DNAH3: variants seen among roughly 807,000 people sequenced by gnomAD.
The protein encoded by DNAH3 is axonemal beta dynein heavy chain 3.
Under a neutral mutation model 432.5 loss-of-function variants are expected in DNAH3, and 332 were observed. The observed-to-expected ratio is 0.77, with a 90% CI of 0.70 to 0.84. The LOEUF (loss-of-function observed/expected upper bound fraction) is 0.84, where lower values mean the gene tolerates loss of function less well. Ranked by LOEUF, DNAH3 falls within the 40% of genes least tolerant of loss-of-function variation. The probability of loss-of-function intolerance (pLI) is 0.00; values close to 1 mark genes in which losing one functional copy is unlikely to be tolerated. For missense variants in DNAH3, 4,861 were observed against 5,114.0 expected (o/e 0.95, Z 1.51); for synonymous variants, 1,956 against 1,900.2 (o/e 1.03, Z -0.76).
chr16:21,021,908 A>AG (rs2088247543), intron 40 of DNAH3, 63 bp downstream of exon 40: 2 of 1,576,582 alleles, frequency 1.3e-6, no homozygotes, highest in Admixed American at 3.7e-5. Flanking sequence ...ATCTCAAAAA[A>AG]AAAAGAAATA....
chr16:21,150,473 G>C (rs1042351225), intron 1 of DNAH3: 10 of 357,898 alleles, frequency 2.8e-5, no homozygotes, highest in Middle Eastern at 3.8e-4. Context: ...CAGATGTTCT[G>C]AAAGCTCTGT....
intron 14 of DNAH3, among the ~76,000 whole-genome samples, chr16:21,109,713 C>T (rs992895960): frequency 6.6e-6 from 1 of 151,834 alleles, no homozygotes; most frequent in East Asian, 1.9e-4. Context: ...GATACTCCTG[C>T]CTCAACTTGC....
At chr16:21,049,748 C>A (rs1184197444) in intron 30 of DNAH3, 66 bp from the exon 31 acceptor site, 2 of 1,464,534 alleles carry the variant, frequency 1.4e-6, no homozygotes, top group Admixed American at 1.7e-5. Flanking sequence ...TACCCCGCAC[C>A]ATTCAACAGC....
At chr16:20,962,618 T>C (rs2084876946) in intron 53 of DNAH3, among the ~76,000 whole-genome samples, 1 of 152,132 alleles carries the variant, frequency 6.6e-6, no homozygotes, top group Admixed American at 6.5e-5. Flanking sequence ...AGTGTGAAGT[T>C]TCCTGTGGAA....
intron 6 of DNAH3, among the ~76,000 whole-genome samples, chr16:21,135,848 TA>T: frequency 6.8e-6 from 1 of 147,890 alleles, no homozygotes; most frequent in East Asian, 2.0e-4. Flanking sequence ...AAGACAAGCC[TA>T]GGCAACATAG....
chr16:21,046,932 T>C (rs1056069845), intron 31 of DNAH3, among the ~76,000 whole-genome samples: 12 of 151,766 alleles, frequency 7.9e-5, no homozygotes, highest in Non-Finnish European at 1.6e-4. Flanking sequence ...CCTTCACTTA[T>C]GAAGCTTAGT....
chr16:20,959,815 T>C (rs564752921), intron 53 of DNAH3, among the ~76,000 whole-genome samples: 47 of 152,118 alleles, frequency 3.1e-4, no homozygotes, highest in African/African-American at 1.1e-3. Context: ...TTTAAACACA[T>C]AGACATTCTT....
At chr16:21,070,612 G>C in intron 22 of DNAH3, 98 bp downstream of exon 22, 1 of 753,922 alleles carries the variant, frequency 1.3e-6, no homozygotes, top group Non-Finnish European at 2.4e-6. Flanking sequence ...AGGACAAAGT[G>C]ACTTTCTTTG....
chr16:21,149,570 G>C (rs2092827883), intron 1 of DNAH3, among the ~76,000 whole-genome samples: 1 of 152,164 alleles, frequency 6.6e-6, no homozygotes, highest in African/African-American at 2.4e-5. Flanking sequence ...AATCACTCTG[G>C]TCTTAGATAA....
intron 56 of DNAH3, among the ~76,000 whole-genome samples, 156 bp from the exon 57 acceptor site, chr16:20,948,793 G>A (rs531693641): frequency 1.3e-5 from 2 of 152,222 alleles, no homozygotes; most frequent in East Asian, 3.9e-4. Context: ...AAGATGGCGG[G>A]TCCCCTGCAA....
intron 18 of DNAH3, 25 bp downstream of exon 18, chr16:21,097,330 C>G (rs2091711226): frequency 6.2e-7 from 1 of 1,612,488 alleles, no homozygotes; most frequent in Non-Finnish European, 8.5e-7. Context: ...CCCATCTGTC[C>G]CAGCAGAGTG....
At chr16:21,097,482 T>C (rs2091717663) in exon 18 of DNAH3, 2 of 1,613,648 alleles carry the variant, frequency 1.2e-6, no homozygotes, top group East Asian at 4.5e-5. Flanking sequence ...CCAATAGCTC[T>C]TCCTCCTTAT....
At chr16:21,040,490 A>G (rs2089395419) in intron 32 of DNAH3, among the ~76,000 whole-genome samples, 1 of 150,012 alleles carries the variant, frequency 6.7e-6, no homozygotes, top group African/African-American at 2.5e-5. Flanking sequence ...TCAGCCTCCC[A>G]AACACCTGGG....
In DNAH3 at chr16:21,088,824, T is replaced by C. The variant is rs927138269; in HGVS notation, c.2666-1764A>G. 2.0e-5 allele frequency among the ~76,000 whole-genome samples: 3 copies of C among 152,342 alleles called. No individual in the cohort carries two copies. The East Asian group carries it at 5.8e-4, about 29-fold the overall frequency. ...AGAAATTCCAGAGTTCTAAGAAACA[T>C]TGCTGAAGTCATTCTTCAAGGTTAA... On this transcript the variant is annotated intron_variant, in intron 18 of 61. Coordinates refer to ENST00000261383, the Ensembl canonical transcript of DNAH3.
chr16:21,054,228 T>C (rs1047457522), intron 28 of DNAH3, among the ~76,000 whole-genome samples, 192 bp downstream of exon 28: 8 of 151,996 alleles, frequency 5.3e-5, no homozygotes, highest in Non-Finnish European at 7.4e-5. Context: ...GGAAATCAGG[T>C]TGCGGATGGG....
chr16:20,938,872 G>A (rs1157661311), intron 59 of DNAH3, among the ~76,000 whole-genome samples: 1 of 151,996 alleles, frequency 6.6e-6, no homozygotes, highest in Non-Finnish European at 1.5e-5. Flanking sequence ...CACTTCCCAG[G>A]CCCAAGCAAT....
At chr16:20,993,195 C>T (rs770240080) in intron 44 of DNAH3, among the ~76,000 whole-genome samples, 22 of 152,106 alleles carry the variant, frequency 1.4e-4, no homozygotes, top group Non-Finnish European at 2.6e-4. Flanking sequence ...ATCTTGACCT[C>T]CTTTTTTCCA....
intron 7 of DNAH3, chr16:21,130,046 G>A (rs1312649866): frequency 7.2e-6 from 1 of 139,720 alleles, no homozygotes; most frequent in African/African-American, 2.7e-5. Context: ...CCAGGACCTG[G>A]CACCTATTTG....
chr16:21,127,544 G>A, intron 8 of DNAH3, 143 bp downstream of exon 9: 1 of 1,014,022 alleles, frequency 9.9e-7, no homozygotes, highest in East Asian at 2.5e-5. Flanking sequence ...CTGAGTGACA[G>A]AAAGAGACTC....
Sources: allele counts gnomAD v4.1 joint callset (sites outside exome capture counted in the v4.1 genomes callset), GRCh38; gene constraint gnomAD v4.1.1; transcripts MANE v1.5; gene names NCBI Gene and HGNC (gene_info 2026-07-23, HGNC 2026-07-21).